PDE4D: variants seen among roughly 807,000 people sequenced by gnomAD.
The protein encoded by PDE4D is phosphodiesterase 4D.
In PDE4D, 24 loss-of-function variants were observed where a neutral mutation model predicts 87.4. The observed-to-expected ratio is 0.27, with a 90% CI of 0.20 to 0.39. The LOEUF is 0.39. Ranked by LOEUF, PDE4D falls within the 10% of genes least tolerant of loss-of-function variation. The pLI, the probability that PDE4D is intolerant of heterozygous loss-of-function variation, is 1.00. For missense variants in PDE4D, 714 were observed against 1,041.0 expected, an observed-to-expected ratio of 0.69 and a Z score of 4.32; for synonymous variants, 384 against 383.2, an observed-to-expected ratio of 1.00 and a Z score of -0.02.
intron 1 of PDE4D, among the ~76,000 whole-genome samples, chr5:60,504,555 T>C (rs1750241596): frequency 6.6e-6 from 1 of 152,116 alleles, no homozygotes; most frequent in Non-Finnish European, 1.5e-5. Flanking sequence ...CAGCCTCTGC[T>C]ACACTAAAAT....
intron 1 of PDE4D, among the ~76,000 whole-genome samples, chr5:60,505,735 T>C (rs1750292764): frequency 6.6e-6 from 1 of 152,246 alleles, no homozygotes; most frequent in African/African-American, 2.4e-5. Context: ...AAAATGTTCA[T>C]CCTATAAATC....
At chr5:59,341,415 T>C (rs1354601567) in intron 1 of PDE4D, among the ~76,000 whole-genome samples, 1 of 152,156 alleles carries the variant, frequency 6.6e-6, no homozygotes, top group East Asian at 1.9e-4. Context: ...CTTATAATAG[T>C]CCACACCACA....
At chr5:59,933,792 T>TATAAA (rs1561879282) in intron 3 of PDE4D, among the ~76,000 whole-genome samples, 5 of 99,420 alleles carry the variant, frequency 5.0e-5, no homozygotes, top group African/African-American at 1.9e-4. Flanking sequence ...ATATATATAT[T>TATAAA]AATAAGCATT....
At position 59,851,209 on chromosome 5, in the gene PDE4D, C is replaced by A. The variant is rs1311197795; in HGVS notation, c.455+41959G>T. ...CCAACTTGATCATGTGAGTAAATCA[C>A]CTTAGAAGCACATCCTCCAGCCCCA... On this transcript the variant is annotated intron_variant, in intron 1 of 14. Transcript: ENST00000340635. Among the ~76,000 whole-genome samples the A allele has an allele frequency of 3.3e-5, 5 of 152,106 alleles. No homozygotes were observed. In the East Asian group the frequency reaches 9.7e-4, roughly 30 times the overall value.
chr5:59,392,421 C>T (rs1395885818), intron 1 of PDE4D, among the ~76,000 whole-genome samples: 1 of 151,540 alleles, frequency 6.6e-6, no homozygotes, highest in East Asian at 1.9e-4. Flanking sequence ...TGCTTCTCAG[C>T]CTACAGATGG....
chr5:60,476,232 T>A (rs1177931797), intron 1 of PDE4D, among the ~76,000 whole-genome samples: 1 of 152,224 alleles, frequency 6.6e-6, no homozygotes, highest in Non-Finnish European at 1.5e-5. Flanking sequence ...GCATGTGACA[T>A]AGCACCTAAA....
At position 59,519,069 on chromosome 5, in the gene PDE4D, TCTTTCTTCCCTTC is replaced by T. The variant is rs538709299; in HGVS notation, c.456-303114_456-303102del. On this transcript the variant is annotated intron_variant, in intron 1 of 14. Transcript: ENST00000340635. ...TGCTGTCCTTCCTTCTTCCCTACCA[TCTTTCTTCCCTTC>T]CTTTCTTCTTTCAACTTTCCTCTTT... is the stretch of plus-strand genomic sequence containing the variant. Among the ~76,000 whole-genome samples, 198 of 152,276 alleles carry T rather than the reference TCTTTCTTCCCTTC, an allele frequency of 1.3e-3. 1 individual carries two copies. The highest frequency in any genetic ancestry group is 4.5e-3 in the African/African-American group (189 of 41,570).
At chr5:59,430,222 C>A (rs1474889146) in intron 1 of PDE4D, 10 of 1,212,330 alleles carry the variant, frequency 8.2e-6, no homozygotes, top group Non-Finnish European at 1.0e-5. Flanking sequence ...CAGCAGACAT[C>A]CAAAGCAGTT....
chr5:59,618,821 G>T (rs985629768), intron 1 of PDE4D, among the ~76,000 whole-genome samples: 15 of 152,060 alleles, frequency 9.9e-5, no homozygotes, highest in African/African-American at 3.4e-4. Context: ...CACCCTCATG[G>T]GAGGCATTGG....
chr5:60,403,429 C>G (rs897551828), intron 1 of PDE4D, among the ~76,000 whole-genome samples: 2 of 152,206 alleles, frequency 1.3e-5, no homozygotes. Context: ...GATGTGACTT[C>G]CACCCTTCCA....
chr5:59,349,744 CTTCTT>C (rs1437443206), intron 1 of PDE4D, among the ~76,000 whole-genome samples: 1 of 151,996 alleles, frequency 6.6e-6, no homozygotes, highest in African/African-American at 2.4e-5. Flanking sequence ...AGTGTCTTTT[CTTCTT>C]TTGTCACCTT....
intron 5 of PDE4D, among the ~76,000 whole-genome samples, chr5:59,169,610 C>T (rs939105260): frequency 9.2e-5 from 14 of 152,184 alleles, no homozygotes; most frequent in African/African-American, 3.1e-4. Flanking sequence ...GCACTTTGCA[C>T]ATATGATCGT....
chr5:60,152,854 A>G (rs570598040), intron 2 of PDE4D, among the ~76,000 whole-genome samples: 2 of 152,282 alleles, frequency 1.3e-5, no homozygotes, highest in East Asian at 3.9e-4. Flanking sequence ...TTGTTGGTGT[A>G]TAATTATTTA....
intron 3 of PDE4D, among the ~76,000 whole-genome samples, chr5:59,979,038 A>C (rs1761638545): frequency 1.3e-5 from 2 of 152,216 alleles, no homozygotes. Flanking sequence ...AAAGCCAAAA[A>C]GTATGTGTGA....
intron 1 of PDE4D, among the ~76,000 whole-genome samples, chr5:59,733,739 CT>C (rs1242720798): frequency 2.3e-5 from 3 of 129,520 alleles, no homozygotes; most frequent in African/African-American, 1.1e-4. Flanking sequence ...CCATCTTTTC[CT>C]TCCTCTTTCT....
chr5:59,105,056 C>G (rs963401294), intron 5 of PDE4D, among the ~76,000 whole-genome samples: 21 of 152,194 alleles, frequency 1.4e-4, no homozygotes, highest in Non-Finnish European at 2.5e-4. Flanking sequence ...ATCCAAATCA[C>G]CATCCCTCAC....
intron 1 of PDE4D, among the ~76,000 whole-genome samples, chr5:60,514,802 T>G (rs1750723760): frequency 6.6e-6 from 1 of 151,902 alleles, no homozygotes; most frequent in Non-Finnish European, 1.5e-5. Flanking sequence ...ATGCTTACCA[T>G]CAACATTTCT....
chr5:60,401,347 C>G (rs577958365), intron 1 of PDE4D, among the ~76,000 whole-genome samples: 1 of 152,232 alleles, frequency 6.6e-6, no homozygotes, highest in East Asian at 1.9e-4. Context: ...ACACACTTCA[C>G]AATGAAAAAT....
chr5:59,296,798 C>T (rs1040092539), intron 1 of PDE4D, among the ~76,000 whole-genome samples: 3 of 150,716 alleles, frequency 2.0e-5, no homozygotes, highest in Non-Finnish European at 4.4e-5. Flanking sequence ...CACACACACA[C>T]GCGTGCATGC....
Sources: allele counts gnomAD v4.1 joint callset (sites outside exome capture counted in the v4.1 genomes callset), GRCh38; gene constraint gnomAD v4.1.1; transcripts MANE v1.5; gene names NCBI Gene and HGNC (gene_info 2026-07-23, HGNC 2026-07-21).